Variants in COA1 observed in about 807,000 individuals in gnomAD.
COA1 encodes cytochrome c oxidase assembly factor 1.
Under a neutral mutation model 16.0 loss-of-function variants are expected in COA1, and 13 were observed. That is an observed-to-expected ratio of 0.81 (90% confidence interval 0.53 to 1.29). The LOEUF is 1.29. Ranked by LOEUF, COA1 falls within the 50% of genes most tolerant of loss-of-function variation. The probability of loss-of-function intolerance (pLI) is 0.00; values close to 1 mark genes in which losing one functional copy is unlikely to be tolerated. For missense variants in COA1, 179 were observed against 177.0 expected, an observed-to-expected ratio of 1.01 and a Z score of -0.06; for synonymous variants, 65 against 65.7, an observed-to-expected ratio of 0.99 and a Z score of 0.05.
chr7:43,651,689 TAAA>T (rs539990413), intron 1 of COA1, among the ~76,000 whole-genome samples: 47 of 107,172 alleles, frequency 4.4e-4, no homozygotes, highest in Non-Finnish European at 6.6e-4. Context: ...AGGAAGAGCT[TAAA>T]AAAAAAAAAA....
chr7:43,625,804 T>G (rs1167376073), intron 6 of COA1: 2 of 151,502 alleles, frequency 1.3e-5, no homozygotes, highest in African/African-American at 4.8e-5. Flanking sequence ...ACAGCCTGTT[T>G]CTGCTGAGTT....
At chr7:43,674,160 A>G (rs1463916967) in intron 1 of COA1, among the ~76,000 whole-genome samples, 2 of 152,254 alleles carry the variant, frequency 1.3e-5, no homozygotes, top group Non-Finnish European at 2.9e-5. Flanking sequence ...GTTAAAAACA[A>G]AAAAGGGAGT....
intron 1 of COA1, among the ~76,000 whole-genome samples, chr7:43,702,024 G>A (rs953546204): frequency 1.3e-5 from 2 of 152,036 alleles, no homozygotes; most frequent in Non-Finnish European, 2.9e-5. Flanking sequence ...CCACTCTGTA[G>A]GGTATCTGTT....
downstream of COA1, among the ~76,000 whole-genome samples, chr7:43,638,448 A>G (rs1563203625): frequency 6.6e-6 from 1 of 152,142 alleles, no homozygotes; most frequent in South Asian, 2.1e-4. Flanking sequence ...TCCTTATAAG[A>G]CTAATAAAAC....
rs1251200625 is a variant in COA1, at chr7:43,714,936, G to A, written c.-39+14493C>T. ...GGCACAAGATCACTTGAGCCCGGGAGGTAGCAGTTGCAGTAAGCCAAGACT... is the reference window on the plus strand; with the variant it reads ...GGCACAAGATCACTTGAGCCCGGGAAGTAGCAGTTGCAGTAAGCCAAGACT... On this transcript the variant is annotated intron_variant, in intron 1 of 5. Transcript: ENST00000223336. Among the ~76,000 whole-genome samples the A allele has an allele frequency of 4.0e-5, 6 of 148,950 alleles. No homozygotes were observed. The South Asian group carries it at 8.5e-4, about 21-fold the overall frequency.
At chr7:43,661,023 C>A (rs1288748903) in intron 1 of COA1, among the ~76,000 whole-genome samples, 1 of 112,124 alleles carries the variant, frequency 8.9e-6, no homozygotes, top group Admixed American at 8.6e-5. Flanking sequence ...CCTGGCACTT[C>A]CTGTCCACCC....
chr7:43,662,782 A>G (rs1395879812), intron 1 of COA1, among the ~76,000 whole-genome samples: 1 of 152,242 alleles, frequency 6.6e-6, no homozygotes, highest in African/African-American at 2.4e-5. Context: ...AGCAATAGAT[A>G]GAACCCACAT....
At chr7:43,723,400 T>C (rs2095549099) in intron 1 of COA1, among the ~76,000 whole-genome samples, 1 of 152,186 alleles carries the variant, frequency 6.6e-6, no homozygotes, top group South Asian at 2.1e-4. Flanking sequence ...TCTCCTAATC[T>C]TCAACTAATG....
intron 1 of COA1, 35 bp from the exon 2 acceptor site, chr7:43,648,687 T>G: frequency 6.6e-7 from 1 of 1,524,620 alleles, no homozygotes; most frequent in Non-Finnish European, 9.1e-7. Flanking sequence ...TAAAATCATA[T>G]TTTTAAAGCC....
chr7:43,659,232 A>C (rs1361642760), intron 1 of COA1: 3 of 152,260 alleles, frequency 2.0e-5, no homozygotes, highest in Admixed American at 1.3e-4. Flanking sequence ...GAAAGGGTGA[A>C]GGACAAGGCG....
rs183185648 is a variant in COA1, at chr7:43,653,229, G to A, written c.-38-4577C>T. Reference sequence around the variant, plus strand: ...CGGGAGGCTGAGGCAGGAGAATGGCGTGAACCCGGGAGGTGGAGCTTGCGG... The same window carrying A: ...CGGGAGGCTGAGGCAGGAGAATGGCATGAACCCGGGAGGTGGAGCTTGCGG... On this transcript the variant is annotated intron_variant, in intron 1 of 5. Transcript: ENST00000223336. Among the ~76,000 whole-genome samples, 122 of 152,066 alleles carry A rather than the reference G, an allele frequency of 8.0e-4. 2 individuals carry two copies. In the East Asian group the frequency reaches 0.02, roughly 26 times the overall value.
At chr7:43,625,617 C>T (rs999924933) in intron 6 of COA1, 1 of 152,554 alleles carries the variant, frequency 6.6e-6, no homozygotes, top group African/African-American at 2.4e-5. Context: ...CTTCCTGGCA[C>T]CTCCCCCCAT....
At chr7:43,703,200 T>C (rs578026358) in intron 1 of COA1, among the ~76,000 whole-genome samples, 46 of 152,266 alleles carry the variant, frequency 3.0e-4, no homozygotes, top group African/African-American at 1.1e-3. Flanking sequence ...GGTCTGACAG[T>C]GTGGTTAGCA....
At chr7:43,679,736 C>T (rs1188977870) in intron 1 of COA1, among the ~76,000 whole-genome samples, 1 of 152,136 alleles carries the variant, frequency 6.6e-6, no homozygotes, top group Non-Finnish European at 1.5e-5. Flanking sequence ...ATCCAGGCCC[C>T]AGTCAAGGAT....
At chr7:43,670,757 T>C (rs893566140) in intron 1 of COA1, among the ~76,000 whole-genome samples, 1 of 152,210 alleles carries the variant, frequency 6.6e-6, no homozygotes, top group Non-Finnish European at 1.5e-5. Flanking sequence ...CCAAGTGTTT[T>C]ATATTCTTCA....
rs1477816275 is a variant in COA1 at position 43,729,486 on chromosome 7, G to A, written c.-96C>T. The A allele has an allele frequency of 6.6e-6, 1 of 152,342 alleles. No individual in the cohort carries two copies. The highest frequency in any genetic ancestry group is 1.5e-5 in the Non-Finnish European group (1 of 68,106). The allele number at this position is 152,342 out of a possible 1,614,324, so 9.4% of individuals were successfully genotyped here. ...GCATGACGAGTTCTTCCAGGCTTGG[G>A]AAAGCACGGGTAAATGCCCGCGGTC... On this transcript the variant is annotated 5_prime_UTR_variant, in exon 1 of 6. Coordinates refer to ENST00000223336, the MANE Select transcript of COA1 (RefSeq NM_018224.4).
At position 43,645,379 on chromosome 7, in the gene COA1, A is replaced by G. The variant is rs1336920200; in HGVS notation, c.136T>C (p.Tyr46His). ...LIQKFHSRALYYKLAVEQLQS... is the reference protein window; with the variant it reads ...LIQKFHSRALHYKLAVEQLQS... ...AGCTGCTCCACTGCCAACTTGTAAT[A>G]TAAAGCCCTGGAATGAAACTCTAAG... Residue 46 changes from tyrosine to histidine, a missense_variant, in exon 4 of 6, where the codon TAT becomes CAT. Physicochemically the swap from Tyr to His is moderately conservative, Grantham distance 83. Coordinates refer to ENST00000223336, the MANE Select transcript of COA1 (RefSeq NM_018224.4). 1.2e-6 allele frequency: 2 copies of G among 1,613,972 alleles called. No individual in the cohort carries two copies. The highest frequency in any genetic ancestry group is 4.5e-5 in the East Asian group (2 of 44,896).
At chr7:43,717,270 A>G (rs528217740) in intron 1 of COA1, among the ~76,000 whole-genome samples, 33 of 152,332 alleles carry the variant, frequency 2.2e-4, no homozygotes, top group Non-Finnish European at 4.0e-4. Flanking sequence ...CTATGAAAGC[A>G]GCCTGGAGGG....
intron 1 of COA1, among the ~76,000 whole-genome samples, chr7:43,716,038 A>T (rs1214548372): frequency 1.3e-5 from 2 of 152,200 alleles, no homozygotes. Context: ...AGGCTTCCCC[A>T]GCCACATGGA....
Sources: gnomAD v4.1 joint callset for allele counts (sites outside exome capture counted in the v4.1 genomes callset) on GRCh38, gnomAD v4.1.1 for gene constraint, MANE v1.5 for transcripts, NCBI Gene and HGNC (gene_info 2026-07-23, HGNC 2026-07-21) for gene names.